Variants in FRK observed in about 807,000 individuals in gnomAD.
FRK encodes the protein fyn related Src family tyrosine kinase, also known as tyrosine-protein kinase FRK.
Under a neutral mutation model 56.4 loss-of-function variants are expected in FRK, and 51 were observed. That is an observed-to-expected ratio of 0.90 (90% CI 0.72 to 1.14). The LOEUF is 1.14. FRK is among the 50% of genes most tolerant of loss of function. The probability of loss-of-function intolerance (pLI) is 0.00; values close to 1 mark genes in which losing one functional copy is unlikely to be tolerated. For synonymous variants in FRK, 245 were observed against 217.9 expected (o/e 1.12, Z -1.10); for missense variants, 570 against 601.4 (o/e 0.95, Z 0.55).
At chr6:116,027,838 A>T (rs1309065379) in intron 1 of FRK, among the ~76,000 whole-genome samples, 2 of 144,586 alleles carry the variant, frequency 1.4e-5, no homozygotes, top group East Asian at 2.0e-4. Flanking sequence ...CTTTGAGTTT[A>T]AAAAAAAAAA....
At chr6:116,013,066 C>G (rs146940494) in intron 1 of FRK, among the ~76,000 whole-genome samples, 1 of 152,166 alleles carries the variant, frequency 6.6e-6, no homozygotes, top group South Asian at 2.1e-4. Context: ...TTTGATAAAG[C>G]TTTTTTGTTG....
intron 5 of FRK, among the ~76,000 whole-genome samples, chr6:115,946,903 G>A (rs1215070859): frequency 2.0e-5 from 3 of 152,260 alleles, no homozygotes; most frequent in Non-Finnish European, 2.9e-5. Context: ...AGTCCCTGGT[G>A]ATTTTGGGGA....
chr6:115,992,129 T>C lies in FRK; in HGVS notation c.466+11748A>G, dbSNP rs563831687. Among the ~76,000 whole-genome samples the C allele has an allele frequency of 1.8e-4, 27 of 151,804 alleles. No individual in the cohort carries two copies. The East Asian group carries it at 4.4e-3, about 25-fold the overall frequency. On this transcript the variant is annotated intron_variant, in intron 2 of 7. Transcript: ENST00000606080. ...GTTTATCCTTTCAAAGAAATAACTT[T>C]TTCATTTCATTCATCCTTTGCTCTT...
In FRK at chr6:115,937,085, G is replaced by T. The variant is rs1011627534; in HGVS notation, c.*5329C>A. On this transcript the variant is annotated 3_prime_UTR_variant, in exon 8 of 8. Coordinates refer to ENST00000606080, the MANE Select transcript of FRK (RefSeq NM_002031.3). ...TAAGGGCAGCCAGAGAGAAAGGTCA[G>T]GTTAGCCACAAAGGGAAGCCCATCA... 2.6e-5 allele frequency: 4 copies of T among 152,220 alleles called. No individual in the cohort carries two copies. Among genetic ancestry groups the T allele is most frequent in the Non-Finnish European group, 5.9e-5 (4 of 68,070 alleles). 9.4% of individuals were successfully genotyped at this position (152,220 alleles called of 1,614,324 possible).
In FRK at chr6:115,941,391, T is replaced by C. The variant is rs1449727589; in HGVS notation, c.*1023A>G. On this transcript the variant is annotated 3_prime_UTR_variant, in exon 8 of 8. Coordinates refer to ENST00000606080, the MANE Select transcript of FRK (RefSeq NM_002031.3). ...ACAGCACTAGGAGAAATGCCTAATG[T>C]AGACGACGGGTTGATGGGTGCAGCA... The C allele has an allele frequency of 1.3e-5, 2 of 152,056 alleles. No homozygotes were observed. The highest frequency in any genetic ancestry group is 4.8e-5 in the African/African-American group (2 of 41,408). The allele number at this position is 152,056 out of a possible 1,614,324, so 9.4% of individuals were successfully genotyped here. A position where few individuals can be genotyped will look rare whatever the true frequency, so the allele number is the denominator to read the frequency against.
chr6:115,941,593 T>A lies in FRK; in HGVS notation c.*821A>T, dbSNP rs1051110437. The stretch of plus-strand genomic sequence containing the variant: ...TCAGAAGTCTAGGCCACAGCAATCC[T>A]ACTGTTCTCCTCTCATTTTCCTAAA... On this transcript the variant is annotated 3_prime_UTR_variant, in exon 8 of 8. Transcript: ENST00000606080. 1.4e-4 allele frequency: 21 copies of A among 152,312 alleles called. No homozygotes were observed. The highest frequency in any genetic ancestry group is 4.8e-4 in the African/African-American group (20 of 41,572). The allele number at this position is 152,312 out of a possible 1,614,324, so 9.4% of individuals were successfully genotyped here.
At chr6:115,996,490 C>T (rs985321508) in intron 2 of FRK, among the ~76,000 whole-genome samples, 10 of 152,024 alleles carry the variant, frequency 6.6e-5, no homozygotes, top group Admixed American at 1.3e-4. Context: ...GATTGTGTTT[C>T]CTCTACAAAA....
chr6:115,987,533 A>C (rs1438528122), intron 2 of FRK, among the ~76,000 whole-genome samples: 1 of 152,142 alleles, frequency 6.6e-6, no homozygotes, highest in Non-Finnish European at 1.5e-5. Flanking sequence ...ATTATTATAC[A>C]CATAAAATTA....
At chr6:116,040,108 T>C (rs1431428671) in intron 1 of FRK, among the ~76,000 whole-genome samples, 1 of 152,158 alleles carries the variant, frequency 6.6e-6, no homozygotes, top group Non-Finnish European at 1.5e-5. Context: ...TTAAAAGTCA[T>C]AGTGAATAAT....
At chr6:116,000,309 C>T (rs1408943322) in intron 2 of FRK, among the ~76,000 whole-genome samples, 1 of 132,408 alleles carries the variant, frequency 7.6e-6, no homozygotes, top group African/African-American at 2.9e-5. Flanking sequence ...ATGGCGTGAC[C>T]TCTGCTCACT....
intron 2 of FRK, among the ~76,000 whole-genome samples, chr6:115,993,623 A>T (rs2114668464): frequency 6.6e-6 from 1 of 152,084 alleles, no homozygotes; most frequent in East Asian, 1.9e-4. Flanking sequence ...TACCCCATAA[A>T]TTTATACAAA....
chr6:115,970,779 G>A (rs114748076), intron 2 of FRK, among the ~76,000 whole-genome samples: 269 of 152,186 alleles, frequency 1.8e-3, no homozygotes, highest in African/African-American at 6.3e-3. Context: ...CAGGATTGGT[G>A]GCACACACCT....
At chr6:116,020,870 GC>G (rs1273304376) in intron 1 of FRK, among the ~76,000 whole-genome samples, 2 of 151,950 alleles carry the variant, frequency 1.3e-5, no homozygotes, top group Non-Finnish European at 2.9e-5. Flanking sequence ...CCAACATCCA[GC>G]TGCAACAATT....
At chr6:116,092,216 T>C in the FRK span, among the ~76,000 whole-genome samples, 1 of 152,098 alleles carries the variant, frequency 6.6e-6, no homozygotes, top group Admixed American at 6.5e-5. Flanking sequence ...AATTTTAGGA[T>C]CTCCCCTCAG....
rs140176126 is a variant in FRK at position 115,959,498 on chromosome 6, A to G, written c.800-2888T>C. Among the ~76,000 whole-genome samples the G allele has an allele frequency of 5.2e-4, 79 of 152,330 alleles. 1 individual carries two copies. The East Asian group carries it at 0.015, about 28-fold the overall frequency. On this transcript the variant is annotated intron_variant, in intron 4 of 7. Coordinates refer to ENST00000606080, the MANE Select transcript of FRK (RefSeq NM_002031.3). Reference sequence around the variant, plus strand: ...AGGGTTTAAAAGCATATACACAGTGATTGTGAAAATCTCAGGTGCTAGAAT... The same window carrying G: ...AGGGTTTAAAAGCATATACACAGTGGTTGTGAAAATCTCAGGTGCTAGAAT...
At chr6:115,994,910 G>A (rs1774777053) in intron 2 of FRK, among the ~76,000 whole-genome samples, 1 of 152,152 alleles carries the variant, frequency 6.6e-6, no homozygotes, top group African/African-American at 2.4e-5. Flanking sequence ...GAGCTATGTG[G>A]TGCCTAGGGA....
chr6:116,078,255 G>A, the FRK span, among the ~76,000 whole-genome samples: 153 of 152,318 alleles, frequency 1.0e-3, 1 homozygote, highest in South Asian at 0.03. Flanking sequence ...AGTTATGAAC[G>A]TGGGAGGATT....
chr6:116,084,724 CAA>C, the FRK span, among the ~76,000 whole-genome samples: 2 of 152,086 alleles, frequency 1.3e-5, no homozygotes, highest in South Asian at 4.2e-4. Context: ...AGAAGTGTTG[CAA>C]AGTTGTATTG....
chr6:115,943,528 T>C (rs1023436416), intron 6 of FRK, among the ~76,000 whole-genome samples: 27 of 151,464 alleles, frequency 1.8e-4, no homozygotes, highest in African/African-American at 6.3e-4. Flanking sequence ...GTCTATTGTT[T>C]GATTTACTGA....
Sources: gnomAD v4.1 joint callset for allele counts (sites outside exome capture counted in the v4.1 genomes callset) on GRCh38, gnomAD v4.1.1 for gene constraint, MANE v1.5 for transcripts, NCBI Gene and HGNC (gene_info 2026-07-23, HGNC 2026-07-21) for gene names.